The following ZNF581 variants were observed in gnomAD, a reference collection of about 807,000 sequenced individuals.
ZNF581 encodes zinc finger protein 581.
In ZNF581, 1 loss-of-function variant was observed where a neutral mutation model predicts 1.2. The observed-to-expected ratio is 0.83, with a 90% CI of 0.30 to 3.95. The LOEUF is 3.95. Among genes scored for constraint, ZNF581 ranks in the 30% most tolerant of loss-of-function variants. The pLI is 0.18. For synonymous variants in ZNF581, 105 were observed against 109.2 expected, an observed-to-expected ratio of 0.96 and a Z score of 0.24; for missense variants, 273 against 274.6, an observed-to-expected ratio of 0.99 and a Z score of 0.04.
At chr19:55,642,813 C>G (rs1211451152), upstream of ZNF581, 3 of 1,572,416 alleles carry the variant, frequency 1.9e-6, no homozygotes, top group East Asian at 2.3e-5. Flanking sequence ...CGTGTCTTTG[C>G]CAGCCCTCTG....
upstream of ZNF581, among the ~76,000 whole-genome samples, chr19:55,639,466 C>T (rs1982311376): frequency 6.6e-6 from 1 of 152,106 alleles, no homozygotes; most frequent in Non-Finnish European, 1.5e-5. Context: ...TACATACTGC[C>T]CAGTAAAATG....
Position 55,645,294 on chromosome 19 carries a change from A to G in ZNF581, c.*129A>G, listed in dbSNP as rs1982786893. ...CACAGACACAGAGCAGCCGCATCTC[A>G]AAGGCAGAGCCCTGCCTGAAGGAGG... On this transcript the variant is annotated 3_prime_UTR_variant, in exon 2 of 2. Transcript: ENST00000270451. The G allele has an allele frequency of 2.6e-6, 2 of 763,358 alleles. No individual in the cohort carries two copies. Among genetic ancestry groups the G allele is most frequent in the African/African-American group, 3.5e-5 (2 of 56,678 alleles). 47.3% of individuals were successfully genotyped at this position (763,358 alleles called of 1,614,324 possible). A position where few individuals can be genotyped will look rare whatever the true frequency, so the allele number is the denominator to read the frequency against.
At chr19:55,643,312 T>G (rs1389914441), upstream of ZNF581, 3 of 398,126 alleles carry the variant, frequency 7.5e-6, no homozygotes, top group African/African-American at 6.2e-5. Context: ...TGACATGACC[T>G]CTCTAAACCT....
Position 55,645,286 on chromosome 19 carries a change from C to T in ZNF581, c.*121C>T, listed in dbSNP as rs372022293. 1.3e-5 allele frequency: 11 copies of T among 850,072 alleles called. No individual in the cohort carries two copies. The highest frequency in any genetic ancestry group is 3.7e-4 in the Middle Eastern group (1 of 2,670). 52.7% of individuals were successfully genotyped at this position (850,072 alleles called of 1,614,324 possible). ...GCCCTGGACACAGACACAGAGCAGCCGCATCTCAAAGGCAGAGCCCTGCCT... is the reference window on the plus strand; with the variant it reads ...GCCCTGGACACAGACACAGAGCAGCTGCATCTCAAAGGCAGAGCCCTGCCT... On this transcript the variant is annotated 3_prime_UTR_variant, in exon 2 of 2. Transcript: ENST00000270451.
chr19:55,639,491 T>C (rs1230972025), upstream of ZNF581, among the ~76,000 whole-genome samples: 2 of 152,170 alleles, frequency 1.3e-5, no homozygotes, highest in Non-Finnish European at 2.9e-5. Context: ...AAAAGTACCT[T>C]GTGTCCCAAA....
At position 55,644,827 on chromosome 19, in the gene ZNF581, T is replaced by G. The variant is rs753506279; in HGVS notation, c.256T>G (p.Cys86Gly). The G allele has an allele frequency of 3.1e-6, 5 of 1,612,504 alleles. No homozygotes were observed. The African/African-American group carries it at 6.7e-5, about 22-fold the overall frequency. ...GASGAPGQKK[C>G]YSCPVCSRVF... ...CAGTGGGGCTCCAGGCCAGAAAAAG[T>G]GCTACAGCTGCCCCGTGTGCTCAAG... The change falls in exon 2 of 2, where the codon TGC (cysteine) becomes GGC (glycine). Residue 86 changes from cysteine to glycine, a missense_variant. Coordinates refer to ENST00000270451, the MANE Select transcript of ZNF581 (RefSeq NM_016535.4). The surrounding 1 kb of genome is among the most constrained non-coding windows in gnomAD (Gnocchi z 4.3).
chr19:55,636,541 A>G (rs1361343187), upstream of ZNF581, among the ~76,000 whole-genome samples: 1 of 152,166 alleles, frequency 6.6e-6, no homozygotes, highest in African/African-American at 2.4e-5. Flanking sequence ...CATTCAACCA[A>G]TATCGAATTG....
upstream of ZNF581, among the ~76,000 whole-genome samples, chr19:55,637,580 G>A (rs1344032742): frequency 1.3e-5 from 2 of 152,076 alleles, no homozygotes; most frequent in African/African-American, 4.8e-5. Flanking sequence ...GAGGGAGAGA[G>A]TGATGGAGGC....
upstream of ZNF581, chr19:55,642,311 C>G (rs953312616): frequency 2.4e-6 from 3 of 1,256,852 alleles, no homozygotes; most frequent in Non-Finnish European, 3.0e-6. Context: ...GTTGGAGGCC[C>G]TCTCCGAGGC....
upstream of ZNF581, chr19:55,642,993 C>A: frequency 7.3e-7 from 1 of 1,370,702 alleles, no homozygotes; most frequent in South Asian, 1.8e-5. Context: ...TTCCAGGACG[C>A]CGCGGAGCTG....
At chr19:55,637,425 T>C (rs1246710961), upstream of ZNF581, among the ~76,000 whole-genome samples, 1 of 152,078 alleles carries the variant, frequency 6.6e-6, no homozygotes, top group Non-Finnish European at 1.5e-5. Context: ...TAATCCCAGC[T>C]ACTCAGGAGG....
chr19:55,640,238 G>C (rs1336003511), upstream of ZNF581: 1 of 985,342 alleles, frequency 1.0e-6, no homozygotes, highest in African/African-American at 1.7e-5. Flanking sequence ...TCTCCAGTGC[G>C]GCTGCAGCGC....
In ZNF581 at chr19:55,644,616, C is replaced by T. The variant is rs1982739250; in HGVS notation, c.45C>T (p.Ser15=). ...CCTGCCCTCAGCCTCTGGCATTTTC[C>T]TCCGTTGAGACCATGGAGGGCCCTC... ...PSPCPQPLAF[S]SVETMEGPPR... Residue 15 remains serine, a synonymous_variant, in exon 2 of 2, where the codon TCC becomes TCT. Coordinates refer to ENST00000270451, the MANE Select transcript of ZNF581 (RefSeq NM_016535.4). This position sits in a 1 kb window ranked among gnomAD's most constrained non-coding sequence, Gnocchi z 4.3. The T allele has an allele frequency of 6.2e-7, 1 of 1,608,342 alleles. No homozygotes were observed. Among genetic ancestry groups the T allele is most frequent in the African/African-American group, 1.3e-5 (1 of 74,792 alleles).
upstream of ZNF581, chr19:55,641,058 TCCCCGGCGCCGCCG>T: frequency 1.7e-5 from 17 of 985,104 alleles, no homozygotes; most frequent in Non-Finnish European, 2.0e-5. Context: ...AGTCCCCGCG[TCCCCGGCGCCGCCG>T]GCCCGGAGCT....
chr19:55,639,518 G>T (rs1982313939), upstream of ZNF581, among the ~76,000 whole-genome samples: 1 of 152,202 alleles, frequency 6.6e-6, no homozygotes, highest in Non-Finnish European at 1.5e-5. Flanking sequence ...ATAACTGTGA[G>T]GCCTTTTGGG....
At chr19:55,641,794 G>C (rs2123627650), upstream of ZNF581, 1 of 153,268 alleles carries the variant, frequency 6.5e-6, no homozygotes, top group South Asian at 2.1e-4. Flanking sequence ...GGGGTGTATA[G>C]ATGTAGTAAG....
At position 55,644,620 on chromosome 19, in the gene ZNF581, G is replaced by C. The variant is rs760069127; in HGVS notation, c.49G>C (p.Val17Leu). 1 of 1,609,170 alleles carries C rather than the reference G, an allele frequency of 6.2e-7. No individual in the cohort carries two copies. The highest frequency in any genetic ancestry group is 8.5e-7 in the Non-Finnish European group (1 of 1,177,736). ...CCCTCAGCCTCTGGCATTTTCCTCC[G>C]TTGAGACCATGGAGGGCCCTCCCCG... ...PCPQPLAFSS[V>L]ETMEGPPRRT... Residue 17 changes from valine to leucine, a missense_variant, in exon 2 of 2, where the codon GTT becomes CTT. By Grantham distance (32) the Val-to-Leu change is conservative. Coordinates refer to ENST00000270451, the MANE Select transcript of ZNF581 (RefSeq NM_016535.4). The surrounding 1 kb of genome is among the most constrained non-coding windows in gnomAD (Gnocchi z 4.3).
chr19:55,637,527 ACT>A (rs1238566538), upstream of ZNF581, among the ~76,000 whole-genome samples: 6 of 151,774 alleles, frequency 4.0e-5, no homozygotes, highest in East Asian at 5.8e-4. Flanking sequence ...ACAGAGTGAG[ACT>A]CTGTCTGAAA....
chr19:55,639,182 T>C (rs988022260), upstream of ZNF581, among the ~76,000 whole-genome samples: 36 of 151,746 alleles, frequency 2.4e-4, 1 homozygote. Context: ...ACATTTTGGG[T>C]TGTCACAACT....
Sources: gnomAD v4.1 joint callset for allele counts (sites outside exome capture counted in the v4.1 genomes callset) on GRCh38, gnomAD v4.1.1 for gene constraint, Gnocchi (gnomAD v3.1) non-coding constraint, MANE v1.5 for transcripts, NCBI Gene and HGNC (gene_info 2026-07-23, HGNC 2026-07-21) for gene names.